SIDT1: variants seen among roughly 807,000 people sequenced by gnomAD.
SIDT1 encodes SID1 transmembrane family, member 1.
SIDT1 carries 101 observed loss-of-function variants against 107.5 expected under a neutral mutation model. The observed-to-expected ratio is 0.94, with a 90% CI of 0.80 to 1.11. The LOEUF (loss-of-function observed/expected upper bound fraction) is 1.11, where lower values mean the gene tolerates loss of function less well. Among genes scored for constraint, SIDT1 ranks in the 50% least tolerant of loss-of-function variants. The probability of loss-of-function intolerance (pLI) is 0.00; values close to 1 mark genes in which losing one functional copy is unlikely to be tolerated. For synonymous variants in SIDT1, 395 were observed against 398.2 expected (o/e 0.99, Z 0.10); for missense variants, 1,076 against 1,058.2 (o/e 1.02, Z -0.23).
At chr3:113,559,110 T>C (rs1322363438) in intron 1 of SIDT1, among the ~76,000 whole-genome samples, 1 of 152,240 alleles carries the variant, frequency 6.6e-6, no homozygotes, top group Non-Finnish European at 1.5e-5. Context: ...ATTCAGGTTG[T>C]TTCCAAATTT....
chr3:113,616,830 G>A (rs545558429), intron 20 of SIDT1, among the ~76,000 whole-genome samples: 33 of 151,690 alleles, frequency 2.2e-4, no homozygotes, highest in Non-Finnish European at 2.8e-4. Flanking sequence ...CTGGGATTAC[G>A]GGCATGTGCC....
At chr3:113,553,679 A>G (rs1392192771) in intron 1 of SIDT1, among the ~76,000 whole-genome samples, 1 of 152,204 alleles carries the variant, frequency 6.6e-6, no homozygotes, top group Non-Finnish European at 1.5e-5. Flanking sequence ...GGCTGAACCA[A>G]CCCAGGCTGT....
chr3:113,616,683 A>G (rs1030656723), intron 20 of SIDT1, among the ~76,000 whole-genome samples: 3 of 147,942 alleles, frequency 2.0e-5, no homozygotes, highest in Admixed American at 6.8e-5. Context: ...GAAATAAAAA[A>G]TAATAAAGAA....
At chr3:113,555,037 C>G (rs1940691414) in intron 1 of SIDT1, among the ~76,000 whole-genome samples, 1 of 152,176 alleles carries the variant, frequency 6.6e-6, no homozygotes, top group Admixed American at 6.5e-5. Context: ...CCCAACTGCC[C>G]CAACATGACT....
chr3:113,618,635 T>G (rs1016212155), intron 20 of SIDT1, among the ~76,000 whole-genome samples: 1 of 152,234 alleles, frequency 6.6e-6, no homozygotes, highest in African/African-American at 2.4e-5. Flanking sequence ...ATTAATTTTT[T>G]TAATGAAGTT....
chr3:113,561,354 G>GAGTTTGTTTTTATTATGACT (rs1176734555), intron 1 of SIDT1, among the ~76,000 whole-genome samples: 42 of 152,244 alleles, frequency 2.8e-4, no homozygotes, highest in Middle Eastern at 6.8e-3. Flanking sequence ...CAGTATCTCT[G>GAGTTTGTTTTTATTATGACT]AGTTTGTTTT....
intron 3 of SIDT1, among the ~76,000 whole-genome samples, chr3:113,570,377 A>AATCC (rs1200130171): frequency 2.0e-5 from 3 of 152,192 alleles, no homozygotes; most frequent in Non-Finnish European, 4.4e-5. Context: ...TTAATCAATC[A>AATCC]ATCAAGTGTC....
In SIDT1 at chr3:113,581,455, G is replaced by C. The variant is rs781110069; in HGVS notation, c.747+11G>C. 11 of 1,602,890 alleles carry C rather than the reference G, an allele frequency of 6.9e-6. No individual in the cohort carries two copies. The highest frequency in any genetic ancestry group is 8.5e-6 in the Non-Finnish European group (10 of 1,169,764). On this transcript the variant is annotated intron_variant, in intron 6 of 24. Coordinates refer to ENST00000264852, the MANE Select transcript of SIDT1 (RefSeq NM_017699.3). ...GCCATCACGCTACAGGTGAGGCATT[G>C]CTTCTGTGGGCATTATTGCCAATGG...
At chr3:113,635,207 T>G in the SIDT1 span, among the ~76,000 whole-genome samples, 1 of 152,184 alleles carries the variant, frequency 6.6e-6, no homozygotes, top group African/African-American at 2.4e-5. Context: ...TCTAAAAAAC[T>G]TTCAGTAGCC....
chr3:113,551,402 C>A (rs1034925680), intron 1 of SIDT1, among the ~76,000 whole-genome samples: 10 of 152,130 alleles, frequency 6.6e-5, no homozygotes, highest in Admixed American at 6.6e-5. Context: ...AAATTACTTG[C>A]CCAAAATCAT....
intron 1 of SIDT1, among the ~76,000 whole-genome samples, chr3:113,534,573 A>G (rs375176949): frequency 2.0e-5 from 3 of 152,204 alleles, no homozygotes; most frequent in Admixed American, 6.5e-5. Flanking sequence ...CCCAAACGCC[A>G]TATACCCAGC....
chr3:113,563,664 G>A (rs188122080), intron 1 of SIDT1, among the ~76,000 whole-genome samples: 11 of 152,260 alleles, frequency 7.2e-5, no homozygotes, highest in African/African-American at 2.2e-4. Context: ...GGAGAGAGAA[G>A]TACCCTTTAC....
Position 113,567,586 on chromosome 3 carries a change from C to A in SIDT1, c.391C>A (p.Pro131Thr). 6.2e-7 allele frequency: 1 copy of A among 1,614,046 alleles called. No individual in the cohort carries two copies. The highest frequency in any genetic ancestry group is 8.5e-7 in the Non-Finnish European group (1 of 1,179,970). ...TCAAGAAGTGAGCCGCACCTTATGT[C>A]CCTCAGAAGCAACCAATGAGACGGG... ...NYQEVSRTLC[P>T]SEATNETGPL... Residue 131 changes from proline to threonine, a missense_variant, in exon 3 of 25, where the codon CCC becomes ACC. Coordinates refer to ENST00000264852, the MANE Select transcript of SIDT1 (RefSeq NM_017699.3).
chr3:113,605,122 C>CTTTTTT, intron 14 of SIDT1, 146 bp downstream of exon 14: 20 of 306,966 alleles, frequency 6.5e-5, no homozygotes, highest in South Asian at 6.2e-4. Flanking sequence ...CTATTGCTTC[C>CTTTTTT]TCTTTTTTTT....
intron 14 of SIDT1, among the ~76,000 whole-genome samples, chr3:113,606,097 A>AT (rs1945313293): frequency 6.6e-6 from 1 of 152,138 alleles, no homozygotes; most frequent in African/African-American, 2.4e-5. Context: ...AAAAACAAGC[A>AT]TTTTTTAAGC....
intron 1 of SIDT1, among the ~76,000 whole-genome samples, chr3:113,559,309 T>C (rs1301695815): frequency 2.0e-5 from 3 of 152,228 alleles, no homozygotes; most frequent in Non-Finnish European, 4.4e-5. Context: ...TCATTAGCAA[T>C]ATGCAAATTT....
chr3:113,597,245 C>T (rs1180643460), intron 10 of SIDT1, among the ~76,000 whole-genome samples: 1 of 152,010 alleles, frequency 6.6e-6, no homozygotes, highest in Non-Finnish European at 1.5e-5. Context: ...ACCTGTAATC[C>T]CAACACTTTG....
intron 12 of SIDT1, 74 bp downstream of exon 12, chr3:113,603,224 C>T (rs1945088740): frequency 6.9e-7 from 1 of 1,449,534 alleles, no homozygotes; most frequent in Middle Eastern, 1.8e-4. Context: ...AGCAATACCT[C>T]AGTTTCCTTT....
At chr3:113,594,199 A>G (rs1447932066) in intron 10 of SIDT1, among the ~76,000 whole-genome samples, 1 of 152,052 alleles carries the variant, frequency 6.6e-6, no homozygotes, top group East Asian at 1.9e-4. Context: ...TTTCTTTTTA[A>G]TGTTTGTCTT....
Sources: allele counts gnomAD v4.1 joint callset (sites outside exome capture counted in the v4.1 genomes callset), GRCh38; gene constraint gnomAD v4.1.1; transcripts MANE v1.5; gene names NCBI Gene and HGNC (gene_info 2026-07-23, HGNC 2026-07-21).